GRK3: variants seen among roughly 807,000 people sequenced by gnomAD.
The protein encoded by GRK3 is adrenergic, beta, receptor kinase 2.
GRK3 carries 54 observed loss-of-function variants against 95.7 expected under a neutral mutation model. That is an observed-to-expected ratio of 0.56 (90% CI 0.45 to 0.71). The LOEUF (loss-of-function observed/expected upper bound fraction) is 0.71. Ranked by LOEUF, GRK3 falls within the 30% of genes least tolerant of loss-of-function variation. GRK3 has a pLI of 0.00. For missense variants in GRK3, 649 were observed against 851.2 expected, an observed-to-expected ratio of 0.76 and a Z score of 2.96; for synonymous variants, 281 against 290.8, an observed-to-expected ratio of 0.97 and a Z score of 0.34.
At chr22:25,584,204 C>A (rs1424703574) in intron 1 of GRK3, among the ~76,000 whole-genome samples, 2 of 152,242 alleles carry the variant, frequency 1.3e-5, no homozygotes, top group Non-Finnish European at 2.9e-5. Flanking sequence ...TGTGGTTTTG[C>A]TTTCAGCAGT....
intron 13 of GRK3, among the ~76,000 whole-genome samples, chr22:25,698,997 A>G (rs2085234179): frequency 6.6e-6 from 1 of 152,164 alleles, no homozygotes; most frequent in African/African-American, 2.4e-5. Context: ...GAGAATAACG[A>G]TGTCATTACT....
chr22:25,651,387 A>G (rs926387949), intron 3 of GRK3, among the ~76,000 whole-genome samples: 2 of 152,326 alleles, frequency 1.3e-5, no homozygotes, highest in African/African-American at 4.8e-5. Context: ...GCCATGGCAT[A>G]TACGTTCAAA....
chr22:25,587,623 T>C (rs550887820), intron 1 of GRK3, among the ~76,000 whole-genome samples: 1 of 151,998 alleles, frequency 6.6e-6, no homozygotes, highest in Non-Finnish European at 1.5e-5. Flanking sequence ...TAGAGATGGG[T>C]GATGTGGTTT....
At chr22:25,599,452 C>T (rs541416480) in intron 1 of GRK3, among the ~76,000 whole-genome samples, 3 of 151,658 alleles carry the variant, frequency 2.0e-5, no homozygotes, top group South Asian at 2.1e-4. Context: ...ATTAGCCGGG[C>T]GTGGTGGCGG....
At chr22:25,665,256 T>C (rs116383745) in intron 5 of GRK3, among the ~76,000 whole-genome samples, 5 of 152,352 alleles carry the variant, frequency 3.3e-5, no homozygotes, top group Non-Finnish European at 5.9e-5. Flanking sequence ...GAAAGTACAG[T>C]GTCAATATCT....
Position 25,608,798 on chromosome 22 carries a change from G to A in GRK3, c.190+4345G>A, listed in dbSNP as rs76758793. Among the ~76,000 whole-genome samples the A allele has an allele frequency of 5.4e-3, 825 of 152,326 alleles. 7 individuals are homozygous for A. Among genetic ancestry groups the A allele is most frequent in the African/African-American group, 0.018 (741 of 41,570 alleles). On this transcript the variant is annotated intron_variant, in intron 2 of 20. Transcript: ENST00000324198. The stretch of plus-strand genomic sequence containing the variant: ...TTGTCCTGGTGAGACCCTAAGCAGA[G>A]AATCCAGTGGAACCCACTCACACTT...
chr22:25,635,362 A>G (rs1202540701), intron 2 of GRK3, among the ~76,000 whole-genome samples: 2 of 152,204 alleles, frequency 1.3e-5, no homozygotes, highest in Non-Finnish European at 2.9e-5. Flanking sequence ...ATTCTTTTAG[A>G]GAACCACAGT....
chr22:25,592,296 A>G (rs112883623), intron 1 of GRK3, among the ~76,000 whole-genome samples: 1 of 152,064 alleles, frequency 6.6e-6, no homozygotes, highest in African/African-American at 2.4e-5. Context: ...TGAAGTGTCT[A>G]TTCAAATCAT....
chr22:25,699,445 T>C (rs2085238616), intron 13 of GRK3, among the ~76,000 whole-genome samples: 1 of 152,074 alleles, frequency 6.6e-6, no homozygotes, highest in Non-Finnish European at 1.5e-5. Flanking sequence ...TTGGTCATCA[T>C]AACTTGGGAA....
At chr22:25,591,294 G>A (rs1363740028) in intron 1 of GRK3, among the ~76,000 whole-genome samples, 3 of 152,174 alleles carry the variant, frequency 2.0e-5, no homozygotes, top group Non-Finnish European at 4.4e-5. Context: ...GAGGGGTAGA[G>A]AGCAGAGCTT....
In GRK3 at chr22:25,668,893, C is replaced by G. The variant is rs1278332738; in HGVS notation, c.503+1093C>G. On this transcript the variant is annotated intron_variant, in intron 6 of 20. Transcript: ENST00000324198. ...TTTATAACTTTGCCATGCATCCTTT[C>G]ACTTGAAACCAGGCTCACAGATATA... Among the ~76,000 whole-genome samples, 5 of 152,192 alleles carry G rather than the reference C, an allele frequency of 3.3e-5. No individual in the cohort carries two copies. In the East Asian group the frequency reaches 9.6e-4, roughly 29 times the overall value.
intron 2 of GRK3, among the ~76,000 whole-genome samples, chr22:25,617,271 A>T (rs190232772): frequency 6.6e-6 from 1 of 152,178 alleles, no homozygotes; most frequent in Admixed American, 6.5e-5. Context: ...AGAAGATTGA[A>T]ATTAGTTGTT....
At position 25,688,319 on chromosome 22, in the gene GRK3, A is replaced by G. The variant is rs138313768; in HGVS notation, c.957+652A>G. Among the ~76,000 whole-genome samples the G allele has an allele frequency of 4.1e-3, 629 of 152,024 alleles. 6 individuals carry two copies. The highest frequency in any genetic ancestry group is 6.0e-3 in the Non-Finnish European group (411 of 68,010). On this transcript the variant is annotated intron_variant, in intron 11 of 20. Transcript: ENST00000324198. ...GTTAATTATAATTCAGCTAATGTTC[A>G]CTAAGCAACTGATTTGGTCGTGGCT...
At chr22:25,589,130 G>A (rs555304513) in intron 1 of GRK3, among the ~76,000 whole-genome samples, 4 of 152,196 alleles carry the variant, frequency 2.6e-5, no homozygotes, top group African/African-American at 9.6e-5. Flanking sequence ...ACCTTATTAT[G>A]TGCTACTAGT....
chr22:25,618,444 T>C (rs148389315), intron 2 of GRK3, among the ~76,000 whole-genome samples: 66 of 152,364 alleles, frequency 4.3e-4, no homozygotes, highest in Middle Eastern at 3.4e-3. Context: ...ACATCTCTTC[T>C]CCATTCTTTG....
At chr22:25,571,866 A>T (rs187523475) in intron 1 of GRK3, among the ~76,000 whole-genome samples, 1,674 of 151,572 alleles carry the variant, frequency 0.011, 14 homozygotes, top group East Asian at 0.038. Context: ...TTTTTTTTTT[A>T]AAATTATACT....
At chr22:25,619,525 C>G (rs2084564955) in intron 2 of GRK3, among the ~76,000 whole-genome samples, 1 of 152,042 alleles carries the variant, frequency 6.6e-6, no homozygotes, top group Admixed American at 6.6e-5. Flanking sequence ...GCTCTGTTGC[C>G]CAAGCTGGAG....
chr22:25,675,220 C>G (rs2085018274), intron 8 of GRK3, among the ~76,000 whole-genome samples: 1 of 150,500 alleles, frequency 6.6e-6, no homozygotes, highest in South Asian at 2.1e-4. Context: ...TAAAGACTCA[C>G]CGACGATGAA....
intron 3 of GRK3, among the ~76,000 whole-genome samples, chr22:25,655,731 A>G (rs530290748): frequency 6.6e-6 from 1 of 152,176 alleles, no homozygotes; most frequent in South Asian, 2.1e-4. Flanking sequence ...CTTATGTCAG[A>G]CCCTGAGCTT....
Sources: allele counts gnomAD v4.1 joint callset (sites outside exome capture counted in the v4.1 genomes callset), GRCh38; gene constraint gnomAD v4.1.1; transcripts MANE v1.5; gene names NCBI Gene and HGNC (gene_info 2026-07-23, HGNC 2026-07-21).